Variants in SHROOM4 observed in about 807,000 individuals in gnomAD.
SHROOM4 encodes the protein shroom family member 4.
A neutral mutation model predicts 80.3 loss-of-function variants in SHROOM4; 17 were observed. The ratio of observed to expected loss-of-function variants is 0.21; its 90% CI spans 0.14 to 0.32. The LOEUF (loss-of-function observed/expected upper bound fraction) is 0.32, where lower values mean the gene tolerates loss of function less well. SHROOM4 is among the 10% of genes least tolerant of loss of function. The pLI is 1.00. For synonymous variants in SHROOM4, 400 were observed against 437.5 expected (o/e 0.91, Z 1.07); for missense variants, 993 against 1,140.3 (o/e 0.87, Z 1.86).
chrX:50,762,117 A>G (rs1349113049), intron 1 of SHROOM4, among the ~76,000 whole-genome samples: 2 of 111,950 alleles, frequency 1.8e-5, no homozygotes, highest in Non-Finnish European at 3.8e-5. Flanking sequence ...TATACAGTAC[A>G]AACTCAACAG....
chrX:50,651,933 T>C (rs1932095393), intron 2 of SHROOM4, among the ~76,000 whole-genome samples: 2 of 111,760 alleles, frequency 1.8e-5, no homozygotes, highest in African/African-American at 6.5e-5. Flanking sequence ...TATGGCTGCA[T>C]AGTATTCCAT....
At chrX:50,703,272 T>A (rs1557263668) in intron 1 of SHROOM4, among the ~76,000 whole-genome samples, 1 of 112,226 alleles carries the variant, frequency 8.9e-6, no homozygotes, top group Non-Finnish European at 1.9e-5. Context: ...AAAAATAGAA[T>A]CAATTCCTCA....
intron 1 of SHROOM4, among the ~76,000 whole-genome samples, chrX:50,737,542 A>G (rs1934525145): frequency 1.8e-5 from 2 of 111,494 alleles, no homozygotes. Context: ...ACCATAAGAG[A>G]GTTGAAGTGG....
At chrX:50,688,009 C>T (rs1434046716) in intron 2 of SHROOM4, among the ~76,000 whole-genome samples, 1 of 110,175 alleles carries the variant, frequency 9.1e-6, no homozygotes, top group Non-Finnish European at 1.9e-5. Flanking sequence ...TGGTTCTAGT[C>T]TAAGGGTCAT....
At chrX:50,605,846 A>G (rs149209786) in intron 6 of SHROOM4, among the ~76,000 whole-genome samples, 1,236 of 112,532 alleles carry the variant, frequency 0.011, 21 homozygotes, top group African/African-American at 0.038. Flanking sequence ...AATGTCTGGC[A>G]GTGTCTGGTA....
the SHROOM4 span, among the ~76,000 whole-genome samples, chrX:50,579,712 T>C: frequency 9.0e-6 from 1 of 111,718 alleles, no homozygotes; most frequent in African/African-American, 3.3e-5. Context: ...GAGGGGATTC[T>C]GTGATGGAAG....
At chrX:50,776,619 C>A (rs1376959358) in intron 1 of SHROOM4, among the ~76,000 whole-genome samples, 1 of 111,856 alleles carries the variant, frequency 8.9e-6, no homozygotes, top group African/African-American at 3.2e-5. Flanking sequence ...TATAAATTAG[C>A]AGAAAGAAGA....
intron 2 of SHROOM4, among the ~76,000 whole-genome samples, chrX:50,652,573 T>G: frequency 8.9e-6 from 1 of 111,797 alleles, no homozygotes; most frequent in African/African-American, 3.2e-5. Flanking sequence ...CTCTTTAGTT[T>G]AATTAGATCC....
At position 50,740,124 on chromosome X, in the gene SHROOM4, T is replaced by C. The variant is rs1387344012; in HGVS notation, c.118-44187A>G. 1.0e-4 allele frequency among the ~76,000 whole-genome samples: 8 copies of C among 77,842 alleles called. 1 individual carries two copies. In the Admixed American group the frequency reaches 1.3e-3, roughly 12 times the overall value. 67.6% of individuals were successfully genotyped at this position (77,842 alleles called of 115,157 possible). On this transcript the variant is annotated intron_variant, in intron 1 of 8. Transcript: ENST00000376020. ...GCATGTTCTCACTCATAGGTGGGAA[T>C]TGAACAATGAGAACACATGGACACA... is the stretch of plus-strand genomic sequence containing the variant.
chrX:50,668,215 G>A (rs781997346), intron 2 of SHROOM4, among the ~76,000 whole-genome samples: 1 of 112,094 alleles, frequency 8.9e-6, no homozygotes, highest in Admixed American at 9.4e-5. Flanking sequence ...CCCGCTTGGC[G>A]GTAACAAGGA....
intron 1 of SHROOM4, among the ~76,000 whole-genome samples, chrX:50,765,215 T>C (rs1935248995): frequency 8.9e-6 from 1 of 111,946 alleles, no homozygotes; most frequent in Admixed American, 9.5e-5. Flanking sequence ...TGCTTACCAA[T>C]GGTTTAATTT....
At chrX:50,732,907 C>T (rs1404157167) in intron 1 of SHROOM4, among the ~76,000 whole-genome samples, 10 of 112,162 alleles carry the variant, frequency 8.9e-5, no homozygotes, top group African/African-American at 2.9e-4. Context: ...GAAATACTTT[C>T]CAAATCATTT....
intron 2 of SHROOM4, among the ~76,000 whole-genome samples, chrX:50,649,171 C>A (rs184934346): frequency 4.5e-5 from 5 of 112,109 alleles, no homozygotes; most frequent in Non-Finnish European, 9.4e-5. Context: ...ATCTAAATAG[C>A]AAAGTCATAG....
intron 2 of SHROOM4, chrX:50,687,267 C>CTTTTTTTTTTTTTTTTT (rs1217867502): frequency 5.1e-4 from 45 of 88,806 alleles, no homozygotes; most frequent in African/African-American, 1.7e-3. Context: ...ATTTTGGTGT[C>CTTTTTTTTTTTTTTTTT]TTTTTTTTTT....
intron 2 of SHROOM4, among the ~76,000 whole-genome samples, chrX:50,674,819 A>G (rs1205962872): frequency 8.9e-6 from 1 of 111,929 alleles, no homozygotes; most frequent in Non-Finnish European, 1.9e-5. Context: ...CTTTACAGAT[A>G]ATTAAAATGC....
chrX:50,742,382 A>T (rs1224850151), intron 1 of SHROOM4, among the ~76,000 whole-genome samples: 11 of 109,958 alleles, frequency 1.0e-4, no homozygotes, highest in Non-Finnish European at 1.9e-4. Context: ...CATTAACCAA[A>T]CTCCATACTT....
chrX:50,618,277 C>CTCCTTCCT (rs1491188001), intron 5 of SHROOM4, among the ~76,000 whole-genome samples: 5 of 44,912 alleles, frequency 1.1e-4, no homozygotes, highest in South Asian at 1.2e-3. Context: ...CTCTTCTCTT[C>CTCCTTCCT]CCCTTCCTTC....
In SHROOM4 at chrX:50,704,212, T is replaced by C. The variant is rs782638595; in HGVS notation, c.118-8275A>G. On this transcript the variant is annotated intron_variant, in intron 1 of 8. Transcript: ENST00000376020. ...CCTACCGCCTAATATAAAAACACTA[T>C]AAAGAGGACATATCAATTCATTGTC... Among the ~76,000 whole-genome samples the C allele has an allele frequency of 2.6e-3, 296 of 111,908 alleles. 2 individuals carry two copies. Among genetic ancestry groups the C allele is most frequent in the African/African-American group, 9.2e-3 (285 of 30,821 alleles).
chrX:50,730,678 G>A (rs1481122774), intron 1 of SHROOM4, among the ~76,000 whole-genome samples: 2 of 109,459 alleles, frequency 1.8e-5, no homozygotes, highest in African/African-American at 3.3e-5. Context: ...TGGAGGCTGA[G>A]GCAGGAGAAT....
Sources: gnomAD v4.1 joint callset for allele counts (sites outside exome capture counted in the v4.1 genomes callset) on GRCh38, gnomAD v4.1.1 for gene constraint, MANE v1.5 for transcripts, NCBI Gene and HGNC (gene_info 2026-07-23, HGNC 2026-07-21) for gene names.